Variants in PPFIBP1 observed in about 807,000 individuals in gnomAD.
The protein encoded by PPFIBP1 is liprin-beta-1.
A neutral mutation model predicts 137.8 loss-of-function variants in PPFIBP1; 112 were observed. The observed-to-expected ratio is 0.81, with a 90% confidence interval of 0.70 to 0.95. The LOEUF (loss-of-function observed/expected upper bound fraction) is 0.95. PPFIBP1 is among the 40% of genes least tolerant of loss of function. The probability of loss-of-function intolerance (pLI) is 0.00; values close to 1 mark genes in which losing one functional copy is unlikely to be tolerated. For missense variants in PPFIBP1, 1,083 were observed against 1,196.6 expected (o/e 0.91, Z 1.40); for synonymous variants, 378 against 417.3 (o/e 0.91, Z 1.15).
intron 4 of PPFIBP1, among the ~76,000 whole-genome samples, chr12:27,639,070 C>G (rs10842963): frequency 0.32 from 48,543 of 151,974 alleles, 7,989 homozygotes; most frequent in South Asian, 0.44. Context: ...TTCATATGAT[C>G]AGACACTGAA....
At chr12:27,535,286 TAAA>T (rs1278490201) in intron 1 of PPFIBP1, among the ~76,000 whole-genome samples, 2 of 152,212 alleles carry the variant, frequency 1.3e-5, no homozygotes, top group African/African-American at 4.8e-5. Context: ...GAAGAAAAAT[TAAA>T]AATTAAAATT....
At chr12:27,562,352 G>A (rs1441206984) in intron 1 of PPFIBP1, among the ~76,000 whole-genome samples, 3 of 152,130 alleles carry the variant, frequency 2.0e-5, no homozygotes, top group Non-Finnish European at 4.4e-5. Context: ...ATCATACATG[G>A]TATTATGTAG....
intron 1 of PPFIBP1, chr12:27,547,086 G>T (rs1383635635): frequency 1.3e-5 from 2 of 152,224 alleles, no homozygotes; most frequent in Non-Finnish European, 2.9e-5. Context: ...AACTGTTCTT[G>T]CCGGGTAGCT....
chr12:27,565,802 T>C (rs1381045977), intron 1 of PPFIBP1, among the ~76,000 whole-genome samples: 1 of 148,280 alleles, frequency 6.7e-6, no homozygotes, highest in Non-Finnish European at 1.5e-5. Context: ...CCCTGGACCC[T>C]ATGATTGTAC....
At chr12:27,633,308 A>G (rs2057389067) in intron 2 of PPFIBP1, 54 bp from the exon 3 acceptor site, 1 of 1,239,976 alleles carries the variant, frequency 8.1e-7, no homozygotes, top group Admixed American at 1.8e-5. Context: ...TTAGAAACCC[A>G]CTAGCAAGCC....
intron 28 of PPFIBP1, 58 bp downstream of exon 28, chr12:27,691,986 G>T: frequency 7.0e-7 from 1 of 1,419,306 alleles, no homozygotes; most frequent in Non-Finnish European, 9.6e-7. Context: ...ACACTAAATG[G>T]GAACTTTGTA....
intron 1 of PPFIBP1, among the ~76,000 whole-genome samples, chr12:27,539,515 G>A (rs1048476195): frequency 2.1e-4 from 32 of 152,218 alleles, no homozygotes; most frequent in Middle Eastern, 6.8e-3. Context: ...GTTTTGATAC[G>A]TGAGACATGA....
chr12:27,677,823 G>A (rs891122184), intron 19 of PPFIBP1: 2 of 152,238 alleles, frequency 1.3e-5, no homozygotes, highest in African/African-American at 4.8e-5. Context: ...CGTGGTTGAA[G>A]GATTTGAATT....
intron 1 of PPFIBP1, among the ~76,000 whole-genome samples, chr12:27,556,635 G>C (rs949585602): frequency 1.3e-5 from 2 of 152,160 alleles, no homozygotes; most frequent in Middle Eastern, 3.2e-3. Flanking sequence ...TTTGCTGCTG[G>C]CAGTCTGGAT....
In PPFIBP1 at chr12:27,614,130, C is replaced by T. The variant is rs146928642; in HGVS notation, c.-35-19232C>T. Among the ~76,000 whole-genome samples, 714 of 152,232 alleles carry T rather than the reference C, an allele frequency of 4.7e-3. 6 individuals carry two copies. Among genetic ancestry groups the T allele is most frequent in the African/African-American group, 0.016 (665 of 41,534 alleles). ...TGGTGGCTCATGCCTGTAATCCCAG[C>T]ACTTTTGGAGGCTGAGACGGGAGAA... On this transcript the variant is annotated intron_variant, in intron 2 of 29. Transcript: ENST00000228425.
At position 27,671,448 on chromosome 12, in the gene PPFIBP1, G is replaced by A. The variant is rs1257135427; in HGVS notation, c.1164G>A (p.Leu388=). 1 of 1,585,222 alleles carries A rather than the reference G, an allele frequency of 6.3e-7. No homozygotes were observed. The highest frequency in any genetic ancestry group is 1.9e-5 in the Admixed American group (1 of 53,586). Residue 388 remains leucine, a synonymous_variant, in exon 14 of 30, where the codon TTG becomes TTA. Transcript: ENST00000228425. ...CATTACAGTTCCATACTACCATCTT[G>A]CAAGTTTCCATCCCTTCATTATTGC... ...SVPEEFHTTI[L]QVSIPSLLPA... is the part of the protein sequence containing the mutation.
chr12:27,620,010 T>G (rs1176906941), intron 2 of PPFIBP1, among the ~76,000 whole-genome samples: 1 of 152,120 alleles, frequency 6.6e-6, no homozygotes, highest in Non-Finnish European at 1.5e-5. Context: ...TATGTGTGTA[T>G]TCACACATAC....
chr12:27,595,951 A>G (rs1242367458), intron 2 of PPFIBP1, among the ~76,000 whole-genome samples: 1 of 150,690 alleles, frequency 6.6e-6, no homozygotes, highest in East Asian at 2.0e-4. Context: ...CGGATTGAAG[A>G]GGATTCCTCT....
rs754624238 is a variant in PPFIBP1, at chr12:27,635,028, G to A, written c.183G>A (p.Met61Ile). ...LVEDLRGLLE[M>I]METDEKEGLR... The stretch of plus-strand genomic sequence containing the variant: ...AAGACCTGCGTGGATTGTTAGAGAT[G>A]ATGGAAACAGATGAGAAAGAAGGCT... Residue 61 changes from methionine (M) to isoleucine (I), a missense_variant, in exon 4 of 30, where the codon ATG becomes ATA. Coordinates refer to ENST00000228425, the MANE Select transcript of PPFIBP1 (RefSeq NM_003622.4). 1.2e-6 allele frequency: 2 copies of A among 1,614,160 alleles called. No homozygotes were observed. Among genetic ancestry groups the A allele is most frequent in the South Asian group, 2.2e-5 (2 of 91,086 alleles).
At chr12:27,576,718 A>AT (rs1189850447) in intron 1 of PPFIBP1, among the ~76,000 whole-genome samples, 1 of 152,166 alleles carries the variant, frequency 6.6e-6, no homozygotes, top group Admixed American at 6.5e-5. Context: ...TCTGCACTAG[A>AT]TTTTAATCTA....
Position 27,566,587 on chromosome 12 carries a change from T to A in PPFIBP1, c.-123-11565T>A, listed in dbSNP as rs555161762. 1.5e-3 allele frequency among the ~76,000 whole-genome samples: 233 copies of A among 152,324 alleles called. 2 individuals are homozygous for A. Among genetic ancestry groups the A allele is most frequent in the African/African-American group, 5.3e-3 (219 of 41,570 alleles). ...AGTTTGAGGAGGAGATTTTAACTTTTAATTACGGATAACAACTACTAAAAA... is the reference window on the plus strand; with the variant it reads ...AGTTTGAGGAGGAGATTTTAACTTTAAATTACGGATAACAACTACTAAAAA... On this transcript the variant is annotated intron_variant, in intron 1 of 29. Transcript: ENST00000228425.
At chr12:27,537,874 C>G (rs1410204394) in intron 1 of PPFIBP1, among the ~76,000 whole-genome samples, 1 of 152,038 alleles carries the variant, frequency 6.6e-6, no homozygotes, top group Non-Finnish European at 1.5e-5. Flanking sequence ...AAATGGAAAG[C>G]AGGTATCTGG....
At chr12:27,543,375 C>A (rs1339011595) in intron 1 of PPFIBP1, among the ~76,000 whole-genome samples, 2 of 152,038 alleles carry the variant, frequency 1.3e-5, no homozygotes, top group Non-Finnish European at 1.5e-5. Flanking sequence ...TCCCTGCTAC[C>A]ATGGTTGCAT....
At position 27,671,221 on chromosome 12, in the gene PPFIBP1, G is replaced by A. The variant is rs373816807; in HGVS notation, c.1147-210G>A. 8.5e-5 allele frequency among the ~76,000 whole-genome samples: 13 copies of A among 152,272 alleles called. No homozygotes were observed. In the East Asian group the frequency reaches 2.5e-3, roughly 29 times the overall value. On this transcript the variant is annotated intron_variant, in intron 13 of 29. Coordinates refer to ENST00000228425, the MANE Select transcript of PPFIBP1 (RefSeq NM_003622.4). ...TATTCAGTGTCTTATTCAGAACCAA[G>A]TTAAAAAGTTTCCTTCCTCCAGAAT...
Sources: allele counts gnomAD v4.1 joint callset (sites outside exome capture counted in the v4.1 genomes callset), GRCh38; gene constraint gnomAD v4.1.1; transcripts MANE v1.5; gene names NCBI Gene and HGNC (gene_info 2026-07-23, HGNC 2026-07-21).